NGEF: variants seen among roughly 807,000 people sequenced by gnomAD.
The protein encoded by NGEF is ephexin-1.
In NGEF, 31 loss-of-function variants were observed where a neutral mutation model predicts 80.9. That is an observed-to-expected ratio of 0.38 (90% CI 0.29 to 0.52). The LOEUF (loss-of-function observed/expected upper bound fraction) is 0.52, where lower values mean the gene tolerates loss of function less well. NGEF is among the 20% of genes least tolerant of loss of function. The pLI, the probability that NGEF is intolerant of heterozygous loss-of-function variation, is 0.84. For missense variants in NGEF, 709 were observed against 926.2 expected (o/e 0.77, Z 3.04); for synonymous variants, 371 against 370.2 (o/e 1.00, Z -0.03).
At chr2:232,931,264 C>A (rs896469610) in intron 3 of NGEF, among the ~76,000 whole-genome samples, 2 of 152,182 alleles carry the variant, frequency 1.3e-5, no homozygotes, top group East Asian at 3.9e-4. Context: ...GGCACTGTCA[C>A]CCCCACAGCT....
At chr2:232,890,520 A>C (rs1372403812) in intron 8 of NGEF, among the ~76,000 whole-genome samples, 1 of 152,112 alleles carries the variant, frequency 6.6e-6, no homozygotes, top group Admixed American at 6.5e-5. Flanking sequence ...CTGACACTGA[A>C]CTGTCCAAAG....
intron 3 of NGEF, among the ~76,000 whole-genome samples, chr2:232,943,742 G>A (rs1412636616): frequency 1.4e-4 from 21 of 150,502 alleles, no homozygotes; most frequent in Admixed American, 4.6e-4. Flanking sequence ...TGATCCGCCC[G>A]CCTCAGCCTC....
chr2:232,898,893 T>C (rs1692178377), intron 5 of NGEF, among the ~76,000 whole-genome samples: 1 of 152,054 alleles, frequency 6.6e-6, no homozygotes, highest in Admixed American at 6.6e-5. Flanking sequence ...GGAATGAGAG[T>C]GCATGTGTGG....
chr2:232,901,138 A>G (rs2675970), intron 5 of NGEF, among the ~76,000 whole-genome samples: 95,009 of 152,016 alleles, frequency 0.62, 29,968 homozygotes, highest in Admixed American at 0.69. Flanking sequence ...ACACCCAAAG[A>G]GCGACGGGCT....
At chr2:232,931,949 A>G (rs2106289066) in intron 3 of NGEF, among the ~76,000 whole-genome samples, 1 of 152,156 alleles carries the variant, frequency 6.6e-6, no homozygotes, top group East Asian at 1.9e-4. Context: ...CAGCCCAGTT[A>G]TTTGCCACTT....
In NGEF at chr2:232,956,712, T is replaced by C. The variant is rs1276592614; in HGVS notation, c.383+13502A>G. ...ATCGCTCAAACCCAGGAGGTGGAGG[T>C]TGCAGTGAGCTGAGATGCTGAGATT... is the stretch of plus-strand genomic sequence containing the variant. On this transcript the variant is annotated intron_variant, in intron 3 of 14. Coordinates refer to ENST00000264051, the MANE Select transcript of NGEF (RefSeq NM_019850.3). Among the ~76,000 whole-genome samples, 6 of 141,462 alleles carry C rather than the reference T, an allele frequency of 4.2e-5. No homozygotes were observed. In the Admixed American group the frequency reaches 4.4e-4, roughly 10 times the overall value. The allele number at this position is 141,462 out of a possible 152,430, so 92.8% of individuals were successfully genotyped here.
At position 232,891,501 on chromosome 2, in the gene NGEF, C is replaced by A. The variant is rs374327546; in HGVS notation, c.1143-14G>T. 4 of 1,610,224 alleles carry A rather than the reference C, an allele frequency of 2.5e-6. No individual in the cohort carries two copies. Among genetic ancestry groups the A allele is most frequent in the African/African-American group, 1.3e-5 (1 of 74,918 alleles). On this transcript the variant is annotated splice_polypyrimidine_tract_variant and intron_variant, in intron 7 of 14. Transcript: ENST00000264051. Reference sequence around the variant, plus strand: ...GCCTTCTCCTGGCTGGGGACACAGACAGGTGGAGTAGGTCTCTGAGCTGCA... The same window carrying A: ...GCCTTCTCCTGGCTGGGGACACAGAAAGGTGGAGTAGGTCTCTGAGCTGCA...
intron 3 of NGEF, among the ~76,000 whole-genome samples, chr2:232,939,926 G>A (rs1368713992): frequency 1.3e-5 from 2 of 151,942 alleles, no homozygotes; most frequent in Non-Finnish European, 2.9e-5. Context: ...GAACCTGGGA[G>A]GCGGAGGTTG....
intron 1 of NGEF, among the ~76,000 whole-genome samples, chr2:233,003,326 C>T (rs1316864341): frequency 1.3e-5 from 2 of 152,206 alleles, no homozygotes; most frequent in African/African-American, 4.8e-5. Flanking sequence ...GCGCGGGGTG[C>T]TCTTTCCCTC....
chr2:233,009,318 C>T (rs1695154478), intron 1 of NGEF, among the ~76,000 whole-genome samples: 1 of 152,096 alleles, frequency 6.6e-6, no homozygotes, highest in South Asian at 2.1e-4. Flanking sequence ...GACATAATGG[C>T]CTCCACTTCT....
intron 1 of NGEF, among the ~76,000 whole-genome samples, chr2:232,979,357 T>TACACACAC (rs375393249): frequency 6.9e-4 from 76 of 110,384 alleles, no homozygotes; most frequent in South Asian, 5.2e-3. Context: ...GAGATGATTT[T>TACACACAC]ACACACACAC....
At chr2:232,984,959 G>A (rs1694504096) in intron 1 of NGEF, among the ~76,000 whole-genome samples, 1 of 152,080 alleles carries the variant, frequency 6.6e-6, no homozygotes, top group Admixed American at 6.5e-5. Flanking sequence ...AGGCAAATTA[G>A]GAAATGAAAT....
intron 4 of NGEF, among the ~76,000 whole-genome samples, chr2:232,926,118 T>G (rs1444940024): frequency 4.6e-5 from 7 of 152,218 alleles, no homozygotes. Flanking sequence ...AGACACGTCC[T>G]GTCTGTCCAA....
intron 1 of NGEF, among the ~76,000 whole-genome samples, chr2:232,990,737 A>G (rs1174459502): frequency 3.3e-5 from 5 of 152,096 alleles, no homozygotes; most frequent in Admixed American, 2.6e-4. Context: ...CCTCACAAAC[A>G]TAAAAAATGG....
At chr2:232,975,040 C>G in intron 1 of NGEF, 76 bp from the exon 2 acceptor site, 1 of 719,708 alleles carries the variant, frequency 1.4e-6, no homozygotes, top group Admixed American at 3.2e-5. Context: ...AACTCCACTC[C>G]CATTCGAATT....
chr2:232,886,622 TA>T (rs11363151), intron 9 of NGEF, among the ~76,000 whole-genome samples: 93,714 of 151,540 alleles, frequency 0.62, 29,161 homozygotes, highest in East Asian at 0.65. Context: ...CCTTCATTTT[TA>T]AAAAAAAAAG....
intron 1 of NGEF, among the ~76,000 whole-genome samples, chr2:232,978,637 A>G (rs377175182): frequency 6.6e-6 from 1 of 152,112 alleles, no homozygotes; most frequent in Non-Finnish European, 1.5e-5. Context: ...AGCTCCCTCA[A>G]CAGGGAAAAG....
intron 5 of NGEF, 24 bp from the exon 6 acceptor site, chr2:232,894,940 T>C: frequency 6.5e-7 from 1 of 1,544,046 alleles, no homozygotes; most frequent in East Asian, 2.3e-5. Context: ...ACCCCATGGT[T>C]ACCGCCTGAA....
At chr2:232,987,041 G>A (rs1644287229) in intron 1 of NGEF, among the ~76,000 whole-genome samples, 1 of 151,868 alleles carries the variant, frequency 6.6e-6, no homozygotes, top group South Asian at 2.1e-4. Flanking sequence ...TTTTGAGACA[G>A]AGTCTCACTC....
Sources: gnomAD v4.1 joint callset for allele counts (sites outside exome capture counted in the v4.1 genomes callset) on GRCh38, gnomAD v4.1.1 for gene constraint, MANE v1.5 for transcripts, NCBI Gene and HGNC (gene_info 2026-07-23, HGNC 2026-07-21) for gene names.